Variants in RASGRF2 observed in about 807,000 individuals in gnomAD.
The protein encoded by RASGRF2 is Ras protein specific guanine nucleotide releasing factor 2.
In RASGRF2, 76 loss-of-function variants were observed where a neutral mutation model predicts 151.0. That is an observed-to-expected ratio of 0.50 (90% confidence interval 0.42 to 0.61). The LOEUF (loss-of-function observed/expected upper bound fraction) is 0.61. Among genes scored for constraint, RASGRF2 ranks in the 20% least tolerant of loss-of-function variants. The pLI, the probability that RASGRF2 is intolerant of heterozygous loss-of-function variation, is 0.00. For missense variants in RASGRF2, 1,148 were observed against 1,564.6 expected (o/e 0.73, Z 4.49); for synonymous variants, 504 against 566.5 (o/e 0.89, Z 1.57).
intron 12 of RASGRF2, among the ~76,000 whole-genome samples, chr5:81,101,785 A>T (rs577828030): frequency 2.0e-5 from 3 of 152,318 alleles, no homozygotes; most frequent in East Asian, 3.9e-4. Context: ...GATTGAATGT[A>T]TATTTTGTTC....
intron 1 of RASGRF2, among the ~76,000 whole-genome samples, chr5:80,980,301 G>A (rs1748256614): frequency 6.6e-6 from 1 of 152,100 alleles, no homozygotes; most frequent in Non-Finnish European, 1.5e-5. Context: ...GGCTTTCCAT[G>A]TGGCTTTTGG....
chr5:80,978,604 T>C lies in RASGRF2; in HGVS notation c.288+17578T>C, dbSNP rs964611048. On this transcript the variant is annotated intron_variant, in intron 1 of 26. Transcript: ENST00000265080. Reference sequence around the variant, plus strand: ...GTGTTCGTGACCAGCCTGGCCAACATAGTGAAACCCTGTTTCTACTGAAAA... The same window carrying C: ...GTGTTCGTGACCAGCCTGGCCAACACAGTGAAACCCTGTTTCTACTGAAAA... Among the ~76,000 whole-genome samples the C allele has an allele frequency of 5.3e-5, 8 of 152,092 alleles. No individual in the cohort carries two copies. In the South Asian group the frequency reaches 1.0e-3, roughly 20 times the overall value.
chr5:80,991,717 C>T (rs1261554162), intron 1 of RASGRF2, among the ~76,000 whole-genome samples: 1 of 152,016 alleles, frequency 6.6e-6, no homozygotes, highest in Admixed American at 6.6e-5. Flanking sequence ...ATAATATATA[C>T]AAAAAAGTAG....
chr5:81,157,565 G>T (rs1754291444), intron 17 of RASGRF2, among the ~76,000 whole-genome samples: 1 of 152,232 alleles, frequency 6.6e-6, no homozygotes, highest in Non-Finnish European at 1.5e-5. Flanking sequence ...AATAGCCTTT[G>T]TATTAGTCTG....
Position 80,960,757 on chromosome 5 carries a change from TACA to T in RASGRF2, c.22_24del (p.Asn8del). On this transcript the variant is annotated inframe_deletion, in exon 1 of 27. Coordinates refer to ENST00000265080, the MANE Select transcript of RASGRF2 (RefSeq NM_006909.3). This position sits in a 1 kb window ranked among gnomAD's most constrained non-coding sequence, Gnocchi z 5.5. ...CCGCACCATGCAGAAGAGCGTGCGC[TACA>T]ACGAGGGGCACGCCCTGTACCTGGC... 1 of 1,601,012 alleles carries T rather than the reference TACA, an allele frequency of 6.2e-7. No individual in the cohort carries two copies. The highest frequency in any genetic ancestry group is 8.5e-7 in the Non-Finnish European group (1 of 1,171,712).
intron 1 of RASGRF2, among the ~76,000 whole-genome samples, chr5:81,013,641 G>GTA (rs141700051): frequency 1.1e-3 from 172 of 151,310 alleles, no homozygotes; most frequent in East Asian, 3.3e-3. Context: ...TTGTGTATGT[G>GTA]TATATATATA....
intron 1 of RASGRF2, among the ~76,000 whole-genome samples, chr5:81,035,460 C>T (rs1019148095): frequency 2.9e-4 from 44 of 151,760 alleles, no homozygotes; most frequent in Admixed American, 8.5e-4. Flanking sequence ...CAGGGCCTGT[C>T]GTGGGGTGGG....
chr5:81,069,208 C>T lies in RASGRF2; in HGVS notation c.543+1029C>T, dbSNP rs142825152. Among the ~76,000 whole-genome samples the T allele has an allele frequency of 4.6e-5, 7 of 152,338 alleles. No homozygotes were observed. In the East Asian group the frequency reaches 1.4e-3, roughly 29 times the overall value. On this transcript the variant is annotated intron_variant, in intron 3 of 26. Transcript: ENST00000265080. ...TTCTGCTCCCTACACACATCACCTCCGGTGTTGAGAGTATGGGTACAAGCG... is the reference window on the plus strand; with the variant it reads ...TTCTGCTCCCTACACACATCACCTCTGGTGTTGAGAGTATGGGTACAAGCG...
At chr5:80,967,439 T>C (rs1270237116) in intron 1 of RASGRF2, among the ~76,000 whole-genome samples, 1 of 152,126 alleles carries the variant, frequency 6.6e-6, no homozygotes, top group Non-Finnish European at 1.5e-5. Flanking sequence ...TTATTGATCC[T>C]TTAGTGCTTA....
intron 4 of RASGRF2, among the ~76,000 whole-genome samples, chr5:81,070,795 C>T (rs1310832229): frequency 6.6e-6 from 1 of 152,114 alleles, no homozygotes; most frequent in East Asian, 1.9e-4. Context: ...ATGCCAAAAC[C>T]AGGCATTAAG....
At chr5:81,126,648 G>T (rs569941405) in intron 16 of RASGRF2, among the ~76,000 whole-genome samples, 9 of 152,222 alleles carry the variant, frequency 5.9e-5, no homozygotes, top group African/African-American at 1.9e-4. Flanking sequence ...AACACAAAGG[G>T]AATCATATAA....
At chr5:81,012,330 ATGT>A (rs1749489733) in intron 1 of RASGRF2, among the ~76,000 whole-genome samples, 1 of 151,970 alleles carries the variant, frequency 6.6e-6, no homozygotes, top group Non-Finnish European at 1.5e-5. Flanking sequence ...AGATTCATTC[ATGT>A]TGTTGTACGT....
chr5:81,003,716 T>A (rs1023751912), intron 1 of RASGRF2, among the ~76,000 whole-genome samples: 28 of 152,326 alleles, frequency 1.8e-4, no homozygotes, highest in African/African-American at 6.7e-4. Flanking sequence ...TAAGGTTTAT[T>A]CATAAAAATA....
chr5:81,208,170 A>T (rs1755551433), intron 21 of RASGRF2, among the ~76,000 whole-genome samples, 184 bp from the exon 22 acceptor site: 1 of 152,174 alleles, frequency 6.6e-6, no homozygotes, highest in African/African-American at 2.4e-5. Context: ...CCTTTTTGGC[A>T]TTGAGAGGTA....
intron 2 of RASGRF2, among the ~76,000 whole-genome samples, chr5:81,043,781 G>C (rs2112396583): frequency 6.6e-6 from 1 of 152,184 alleles, no homozygotes; most frequent in Non-Finnish European, 1.5e-5. Flanking sequence ...CTCTAGCTGT[G>C]GCATGCTTTC....
At chr5:81,117,974 G>A (rs1466062196) in intron 15 of RASGRF2, among the ~76,000 whole-genome samples, 1 of 152,214 alleles carries the variant, frequency 6.6e-6, no homozygotes, top group Non-Finnish European at 1.5e-5. Flanking sequence ...AGTACACTGG[G>A]GTGGGGTTGG....
intron 22 of RASGRF2, among the ~76,000 whole-genome samples, chr5:81,211,556 T>C (rs1310077655): frequency 1.3e-5 from 2 of 152,230 alleles, no homozygotes; most frequent in Non-Finnish European, 2.9e-5. Flanking sequence ...CTGCAGTAGG[T>C]GCTTTAGCGA....
intron 17 of RASGRF2, 115 bp downstream of exon 17, chr5:81,127,278 T>C (rs887263546): frequency 2.7e-6 from 3 of 1,130,626 alleles, no homozygotes; most frequent in Admixed American, 2.4e-5. Context: ...AATCCCAGCA[T>C]TTTGGGAAGC....
In RASGRF2 at chr5:81,125,626, T is replaced by C. The variant is rs564223239; in HGVS notation, c.2597-1448T>C. Among the ~76,000 whole-genome samples, 7 of 152,350 alleles carry C rather than the reference T, an allele frequency of 4.6e-5. No homozygotes were observed. In the Middle Eastern group the frequency reaches 0.017, roughly 370 times the overall value. On this transcript the variant is annotated intron_variant, in intron 16 of 26. Transcript: ENST00000265080. ...TGGAAGAGTTTGGGACCAAAATCTA[T>C]GGAAGTAAGGCTCTACCAAGGCAAG...
Sources: allele counts gnomAD v4.1 joint callset (sites outside exome capture counted in the v4.1 genomes callset), GRCh38; gene constraint gnomAD v4.1.1; non-coding constraint Gnocchi (gnomAD v3.1); transcripts MANE v1.5; gene names NCBI Gene and HGNC (gene_info 2026-07-23, HGNC 2026-07-21).